Variants in SLC9D1 observed in about 807,000 individuals in gnomAD.
SLC9D1 encodes the protein solute carrier family 9 member D1.
the SLC9D1 span, among the ~76,000 whole-genome samples, chr13:113,513,738 T>G: frequency 2.0e-5 from 3 of 152,338 alleles, 1 homozygote; most frequent in Middle Eastern, 3.4e-3. Flanking sequence ...CATAAAGATG[T>G]CACTTCTCCC....
At chr13:113,548,186 G>A in the SLC9D1 span, 17 of 1,140,314 alleles carry the variant, frequency 1.5e-5, no homozygotes, top group South Asian at 2.8e-5. Flanking sequence ...CCTACTTGAC[G>A]TGTTATTCAG....
the SLC9D1 span, among the ~76,000 whole-genome samples, chr13:113,519,844 C>T: frequency 2.0e-5 from 3 of 152,236 alleles, no homozygotes; most frequent in Admixed American, 1.3e-4. Flanking sequence ...GTTGGTCTCA[C>T]AGAGAAGGCT....
chr13:113,517,297 A>G, the SLC9D1 span, among the ~76,000 whole-genome samples: 1 of 152,132 alleles, frequency 6.6e-6, no homozygotes, highest in African/African-American at 2.4e-5. Context: ...CAACGGCACA[A>G]TTTCAGCTCA....
At chr13:113,494,362 C>T in the SLC9D1 span, among the ~76,000 whole-genome samples, 2 of 152,068 alleles carry the variant, frequency 1.3e-5, no homozygotes, top group South Asian at 4.2e-4. Context: ...CCTCTCAGCT[C>T]GTTCTGCCTT....
chr13:113,520,538 T>C, the SLC9D1 span: 1 of 902,766 alleles, frequency 1.1e-6, no homozygotes, highest in South Asian at 1.7e-5. Context: ...ATTTTGGAAG[T>C]GTGTACAATG....
chr13:113,548,795 G>A, the SLC9D1 span, among the ~76,000 whole-genome samples: 1 of 152,228 alleles, frequency 6.6e-6, no homozygotes, highest in South Asian at 2.1e-4. Flanking sequence ...TAATGGCAGT[G>A]TGCCCGGAGA....
the SLC9D1 span, chr13:113,534,491 T>C: frequency 3.3e-5 from 17 of 509,192 alleles, no homozygotes; most frequent in Non-Finnish European, 5.1e-5. Flanking sequence ...AGTATTTCAT[T>C]AAAAACAAAT....
At chr13:113,517,114 G>A in the SLC9D1 span, among the ~76,000 whole-genome samples, 1 of 152,230 alleles carries the variant, frequency 6.6e-6, no homozygotes, top group Non-Finnish European at 1.5e-5. Context: ...GTCTCCCTGG[G>A]AGTAATGTAT....
chr13:113,534,887 C>G, the SLC9D1 span: 2 of 152,032 alleles, frequency 1.3e-5, no homozygotes, highest in African/African-American at 4.8e-5. Flanking sequence ...CGAGACCATC[C>G]TGGCTAACAT....
At chr13:113,549,802 C>T in the SLC9D1 span, 1 of 594,572 alleles carries the variant, frequency 1.7e-6, no homozygotes, top group Non-Finnish European at 3.0e-6. Flanking sequence ...GAATGTGGTG[C>T]CTGGATGTGC....
At chr13:113,548,470 G>A in the SLC9D1 span, 114 of 1,594,388 alleles carry the variant, frequency 7.2e-5, no homozygotes, top group Non-Finnish European at 8.0e-5. Context: ...GCTTCCCCCC[G>A]CGGAGCGCTT....
chr13:113,515,941 A>G, the SLC9D1 span, among the ~76,000 whole-genome samples: 2 of 144,702 alleles, frequency 1.4e-5, no homozygotes, highest in African/African-American at 2.5e-5. Flanking sequence ...GTGTGTGTTT[A>G]TTTTGTGCCC....
chr13:113,536,617 T>C, the SLC9D1 span: 5 of 982,562 alleles, frequency 5.1e-6, no homozygotes, highest in South Asian at 2.4e-4. Flanking sequence ...ACAGTGACTC[T>C]GCCCGGCTCT....
the SLC9D1 span, among the ~76,000 whole-genome samples, chr13:113,516,579 AGAAAAG>A: frequency 6.2e-5 from 9 of 145,652 alleles, no homozygotes; most frequent in African/African-American, 2.0e-4. Flanking sequence ...AAAAAAAAAA[AGAAAAG>A]AAAAGAAAAG....
chr13:113,547,337 C>T, the SLC9D1 span: 1 of 1,614,202 alleles, frequency 6.2e-7, no homozygotes, highest in African/African-American at 1.3e-5. Flanking sequence ...CGTACGAGCT[C>T]ACGGTGCTGG....
the SLC9D1 span, chr13:113,504,391 C>T: frequency 6.6e-6 from 1 of 151,946 alleles, no homozygotes; most frequent in Non-Finnish European, 1.5e-5. Context: ...TGGTTACATG[C>T]GTAGGTTCTT....
At chr13:113,540,949 A>G in the SLC9D1 span, among the ~76,000 whole-genome samples, 1 of 152,160 alleles carries the variant, frequency 6.6e-6, no homozygotes, top group African/African-American at 2.4e-5. Flanking sequence ...CAGCGATCCC[A>G]GCACTGTTTG....
At chr13:113,544,230 C>T in the SLC9D1 span, among the ~76,000 whole-genome samples, 1 of 152,338 alleles carries the variant, frequency 6.6e-6, no homozygotes, top group African/African-American at 2.4e-5. Context: ...CCCCGAGGCT[C>T]GTGCCCGCTG....
At chr13:113,516,421 C>T in the SLC9D1 span, among the ~76,000 whole-genome samples, 985 of 152,032 alleles carry the variant, frequency 6.5e-3, 9 homozygotes, top group African/African-American at 0.023. Flanking sequence ...AAAAATTAGC[C>T]GGGCATGGTG....
Sources: gnomAD v4.1 joint callset for allele counts (sites outside exome capture counted in the v4.1 genomes callset) on GRCh38, gnomAD v4.1.1 for gene constraint, MANE v1.5 for transcripts, NCBI Gene and HGNC (gene_info 2026-07-23, HGNC 2026-07-21) for gene names.